The following GLI2 variants were observed in gnomAD, a reference collection of about 807,000 sequenced individuals.
The protein encoded by GLI2 is transcription activator GLI2.
In GLI2, 22 loss-of-function variants were observed where a neutral mutation model predicts 78.9. The observed-to-expected ratio is 0.28, with a 90% CI of 0.20 to 0.40. The LOEUF (loss-of-function observed/expected upper bound fraction) is 0.40, where lower values mean the gene tolerates loss of function less well. Among genes scored for constraint, GLI2 ranks in the 10% least tolerant of loss-of-function variants. GLI2 has a pLI of 1.00. For missense variants in GLI2, 2,097 were observed against 2,213.2 expected (o/e 0.95, Z 1.05); for synonymous variants, 974 against 963.7 (o/e 1.01, Z -0.20).
chr2:120,871,325 G>A (rs1158021805), intron 2 of GLI2, among the ~76,000 whole-genome samples: 1 of 152,136 alleles, frequency 6.6e-6, no homozygotes, highest in Non-Finnish European at 1.5e-5. Flanking sequence ...GCTGTGCATG[G>A]TGGACGCTCC....
At chr2:120,812,596 T>G (rs1685304933) in intron 2 of GLI2, among the ~76,000 whole-genome samples, 1 of 152,122 alleles carries the variant, frequency 6.6e-6, no homozygotes, top group South Asian at 2.1e-4. Context: ...AGTGGCCTTC[T>G]GGGGGCATGT....
At chr2:120,923,405 A>G (rs568832512) in intron 2 of GLI2, among the ~76,000 whole-genome samples, 161 of 148,176 alleles carry the variant, frequency 1.1e-3, no homozygotes, top group Non-Finnish European at 1.9e-4. Flanking sequence ...TACAACATGC[A>G]TGTACATATA....
At chr2:120,813,564 G>A (rs1191923468) in intron 2 of GLI2, among the ~76,000 whole-genome samples, 1 of 152,226 alleles carries the variant, frequency 6.6e-6, no homozygotes, top group African/African-American at 2.4e-5. Flanking sequence ...ACTGCCCGGG[G>A]CGATGGGTGC....
intron 2 of GLI2, among the ~76,000 whole-genome samples, chr2:120,807,695 A>T (rs1685026625): frequency 6.6e-6 from 1 of 152,138 alleles, no homozygotes; most frequent in South Asian, 2.1e-4. Flanking sequence ...CCCTTGGCAA[A>T]GGGCTCCCTT....
At chr2:120,777,055 C>T (rs1047881029) in intron 1 of GLI2, among the ~76,000 whole-genome samples, 41 of 152,198 alleles carry the variant, frequency 2.7e-4, no homozygotes, top group African/African-American at 9.4e-4. Context: ...TGTGTGCACG[C>T]GTGTGTGTGA....
At chr2:120,883,605 C>A (rs1677255620) in intron 2 of GLI2, among the ~76,000 whole-genome samples, 1 of 152,210 alleles carries the variant, frequency 6.6e-6, no homozygotes, top group Admixed American at 6.5e-5. Flanking sequence ...CCCGTTAAGT[C>A]CCTACAGCAG....
intron 2 of GLI2, among the ~76,000 whole-genome samples, chr2:120,894,512 A>G (rs1369445593): frequency 2.0e-5 from 3 of 151,826 alleles, no homozygotes; most frequent in African/African-American, 7.3e-5. Flanking sequence ...CTCTCTTTCT[A>G]GAGCGCCAGT....
At chr2:120,756,250 C>A (rs1683029384) in intron 1 of GLI2, among the ~76,000 whole-genome samples, 1 of 152,088 alleles carries the variant, frequency 6.6e-6, no homozygotes, top group Admixed American at 6.5e-5. Context: ...ATTCTCCTAG[C>A]AATGTTTTAT....
intron 2 of GLI2, among the ~76,000 whole-genome samples, chr2:120,893,721 A>G (rs1004716157): frequency 2.6e-5 from 4 of 152,104 alleles, no homozygotes; most frequent in Admixed American, 2.0e-4. Flanking sequence ...AAACAGAAAA[A>G]AAAGATAAAC....
chr2:120,899,806 G>A (rs1307776406), intron 2 of GLI2, among the ~76,000 whole-genome samples: 2 of 152,234 alleles, frequency 1.3e-5, no homozygotes, highest in East Asian at 1.9e-4. Flanking sequence ...CGAGTGTAAA[G>A]GCAGGCTGTT....
rs146992756 is a variant in GLI2 at position 120,968,873 on chromosome 2, C to T, written c.803C>T (p.Ala268Val). The change falls in exon 6 of 14, where the codon GCG becomes GTG. Residue 268 changes from alanine (A) to valine (V), a missense_variant. Ala to Val is a moderately conservative substitution (Grantham distance 64). Coordinates refer to ENST00000361492, the MANE Select transcript of GLI2 (RefSeq NM_001374353.1). ...AYINNSRSSS[A>V]ASGSYGHLSA... is the part of the protein sequence containing the mutation. ...ATCAACAACTCCCGAAGCAGCTCGG[C>T]GGCCAGCGGTTCCTACGGGCATCTG... 4.6e-4 allele frequency: 747 copies of T among 1,613,386 alleles called. 2 individuals are homozygous for T. In the African/African-American group the frequency reaches 8.4e-3, roughly 18 times the overall value.
intron 2 of GLI2, among the ~76,000 whole-genome samples, chr2:120,921,203 G>C (rs1459168558): frequency 2.0e-5 from 3 of 152,102 alleles, no homozygotes; most frequent in Non-Finnish European, 4.4e-5. Flanking sequence ...TTATCCCTCA[G>C]GTTACTTGGG....
chr2:120,773,460 A>G (rs1440587422), intron 1 of GLI2, among the ~76,000 whole-genome samples: 2 of 152,164 alleles, frequency 1.3e-5, no homozygotes, highest in Non-Finnish European at 2.9e-5. Context: ...CTCCTCATTC[A>G]GGCACTGCAG....
chr2:120,969,068 A>C (rs575350562), intron 6 of GLI2, among the ~76,000 whole-genome samples, 153 bp downstream of exon 6: 2 of 152,352 alleles, frequency 1.3e-5, no homozygotes, highest in East Asian at 3.9e-4. Flanking sequence ...TTTTTTATGA[A>C]TTCAAAACCA....
intron 2 of GLI2, among the ~76,000 whole-genome samples, chr2:120,849,004 A>G (rs974262826): frequency 2.0e-5 from 3 of 152,226 alleles, no homozygotes; most frequent in Non-Finnish European, 4.4e-5. Flanking sequence ...TTCAACCATC[A>G]AAAGGAAGGA....
intron 6 of GLI2, among the ~76,000 whole-genome samples, chr2:120,969,436 C>T (rs930083973): frequency 2.0e-5 from 3 of 152,240 alleles, no homozygotes; most frequent in Admixed American, 2.0e-4. Context: ...CATGCCTCTC[C>T]AGCACCTCCG....
intron 7 of GLI2, 90 bp from the exon 8 acceptor site, chr2:120,971,851 C>T (rs1454373488): frequency 1.1e-5 from 12 of 1,096,410 alleles, no homozygotes; most frequent in South Asian, 3.8e-5. Flanking sequence ...ATGGTCTGTG[C>T]GGAGAGATCC....
At chr2:120,987,683 G>A (rs200311989) in intron 13 of GLI2, among the ~76,000 whole-genome samples, 11 of 152,278 alleles carry the variant, frequency 7.2e-5, no homozygotes, top group Admixed American at 2.0e-4. Flanking sequence ...GACTGTGAGG[G>A]TACTGTGCCA....
intron 2 of GLI2, among the ~76,000 whole-genome samples, chr2:120,842,882 C>T (rs1686952310): frequency 6.6e-6 from 1 of 152,146 alleles, no homozygotes; most frequent in Non-Finnish European, 1.5e-5. Context: ...TAATAGTTTT[C>T]TTGTTGTTTT....
Sources: gnomAD v4.1 joint callset for allele counts (sites outside exome capture counted in the v4.1 genomes callset) on GRCh38, gnomAD v4.1.1 for gene constraint, MANE v1.5 for transcripts, NCBI Gene and HGNC (gene_info 2026-07-23, HGNC 2026-07-21) for gene names.